The following RUSC2 variants were observed in gnomAD, a reference collection of about 807,000 sequenced individuals.
RUSC2 encodes AP-4 complex accessory subunit RUSC2.
RUSC2 carries 34 observed loss-of-function variants against 122.2 expected under a neutral mutation model. The observed-to-expected ratio is 0.28, with a 90% CI of 0.21 to 0.37. RUSC2 has a LOEUF of 0.37. RUSC2 is among the 10% of genes least tolerant of loss of function. The pLI, the probability that RUSC2 is intolerant of heterozygous loss-of-function variation, is 1.00. For synonymous variants in RUSC2, 784 were observed against 790.0 expected, an observed-to-expected ratio of 0.99 and a Z score of 0.13; for missense variants, 1,747 against 1,952.4, an observed-to-expected ratio of 0.89 and a Z score of 1.98.
intron 2 of RUSC2, among the ~76,000 whole-genome samples, chr9:35,550,096 CAGCTACTCTGG>C (rs964632435): frequency 5.8e-4 from 88 of 151,666 alleles, no homozygotes; most frequent in African/African-American, 2.1e-3. Context: ...CCTGTAATCC[CAGCTACTCTGG>C]AGGCTGAGGC....
intron 1 of RUSC2, among the ~76,000 whole-genome samples, chr9:35,523,342 CTTTGT>C (rs1283388868): frequency 6.6e-6 from 1 of 152,186 alleles, no homozygotes; most frequent in African/African-American, 2.4e-5. Context: ...ATGTTAATTG[CTTTGT>C]TTTAACAAAT....
At chr9:35,513,557 T>C (rs1156542524) in intron 1 of RUSC2, among the ~76,000 whole-genome samples, 2 of 151,564 alleles carry the variant, frequency 1.3e-5, no homozygotes, top group African/African-American at 4.9e-5. Context: ...AGTTGTACTT[T>C]GTAAATTGCT....
rs189234064 is a variant in RUSC2 at position 35,494,208 on chromosome 9, G to A, written c.-93+4036G>A. 8.6e-5 allele frequency among the ~76,000 whole-genome samples: 13 copies of A among 151,364 alleles called. No individual in the cohort carries two copies. The East Asian group carries it at 2.1e-3, about 25-fold the overall frequency. On this transcript the variant is annotated intron_variant, in intron 1 of 11. Transcript: ENST00000361226. ...AGGCTGGGCATGGTGGCTCACGCCTGTAATCCCAGCACTTTGGGAGGCCGA... is the reference window on the plus strand; with the variant it reads ...AGGCTGGGCATGGTGGCTCACGCCTATAATCCCAGCACTTTGGGAGGCCGA...
rs763232197 is a variant in RUSC2 at position 35,548,072 on chromosome 9, G to T, written c.1551G>T (p.Met517Ile). 1.4e-5 allele frequency: 22 copies of T among 1,613,282 alleles called. No homozygotes were observed. The Admixed American group carries it at 3.3e-4, about 24-fold the overall frequency. ...TCCGCCTGGGCTCGCTGGAACGTAT[G>T]TTGAGTTGCCCAGTGCGCTTGAGTG... ...PPVRLGSLER[M>I]LSCPVRLSEG... The change falls in exon 2 of 12, where the codon ATG (methionine) becomes ATT (isoleucine). Residue 517 changes from methionine to isoleucine, a missense_variant. Transcript: ENST00000361226. The surrounding 1 kb of genome is among the most constrained non-coding windows in gnomAD (Gnocchi z 4.5).
intron 1 of RUSC2, among the ~76,000 whole-genome samples, chr9:35,493,642 A>G (rs1475790145): frequency 6.6e-6 from 1 of 152,074 alleles, no homozygotes; most frequent in Non-Finnish European, 1.5e-5. Flanking sequence ...AGCTGGAATT[A>G]CAGGTGCACG....
intron 1 of RUSC2, among the ~76,000 whole-genome samples, chr9:35,523,257 A>G (rs1229818168): frequency 6.6e-6 from 1 of 152,212 alleles, no homozygotes; most frequent in African/African-American, 2.4e-5. Context: ...TATAAAGCTA[A>G]ATAACAGGAC....
intron 1 of RUSC2, among the ~76,000 whole-genome samples, chr9:35,513,940 T>A (rs868083557): frequency 3.1e-5 from 3 of 97,528 alleles, no homozygotes; most frequent in Non-Finnish European, 6.8e-5. Context: ...ATATATATAT[T>A]ACTTTATGTG....
intron 1 of RUSC2, among the ~76,000 whole-genome samples, chr9:35,503,247 T>C (rs1587836933): frequency 1.3e-5 from 2 of 151,876 alleles, no homozygotes; most frequent in Admixed American, 6.6e-5. Flanking sequence ...TTGTCTTTTA[T>C]CCCTCACCAC....
Position 35,561,426 on chromosome 9 carries a change from A to AGACT in RUSC2, c.*45_*48dup, listed in dbSNP as rs951366842. ...GGCCTCAGGGACCCTCATAACCCCC[A>AGACT]GACTCAGAGCCCGAGAGCCCTTCCC... On this transcript the variant is annotated 3_prime_UTR_variant, in exon 12 of 12. Coordinates refer to ENST00000361226, the MANE Select transcript of RUSC2 (RefSeq NM_014806.5). The AGACT allele has an allele frequency of 6.6e-7, 1 of 1,512,998 alleles. No individual in the cohort carries two copies. Among genetic ancestry groups the AGACT allele is most frequent in the Non-Finnish European group, 9.0e-7 (1 of 1,114,110 alleles). The allele number at this position is 1,512,998 out of a possible 1,614,324, so 93.7% of individuals were successfully genotyped here.
At chr9:35,545,547 A>C (rs1263985554) in intron 1 of RUSC2, among the ~76,000 whole-genome samples, 1 of 152,230 alleles carries the variant, frequency 6.6e-6, no homozygotes, top group Non-Finnish European at 1.5e-5. Flanking sequence ...AAGACTTTCT[A>C]GTGGATCCCA....
intron 1 of RUSC2, among the ~76,000 whole-genome samples, chr9:35,495,473 G>C (rs548620454): frequency 6.6e-6 from 1 of 151,242 alleles, no homozygotes; most frequent in South Asian, 2.1e-4. Context: ...AAACTCATCT[G>C]ACCAGATATG....
At chr9:35,530,045 G>A (rs1368593270) in intron 1 of RUSC2, among the ~76,000 whole-genome samples, 3 of 152,086 alleles carry the variant, frequency 2.0e-5, no homozygotes, top group South Asian at 2.1e-4. Context: ...TCTGCTTCCC[G>A]GCCTCAAGCC....
intron 1 of RUSC2, among the ~76,000 whole-genome samples, chr9:35,524,475 A>C (rs977832486): frequency 3.9e-5 from 6 of 152,240 alleles, no homozygotes; most frequent in Non-Finnish European, 8.8e-5. Context: ...AGAGGAGAAA[A>C]TGATAACTTT....
chr9:35,490,169 C>G lies in RUSC2; in HGVS notation c.-96C>G, dbSNP rs1178228766. ...GGAAGGACGAGGCTGAGGCGAGAAACGAGGTAGGAACGCCTCTCCGGAGGC... is the reference window on the plus strand; with the variant it reads ...GGAAGGACGAGGCTGAGGCGAGAAAGGAGGTAGGAACGCCTCTCCGGAGGC... On this transcript the variant is annotated 5_prime_UTR_variant, in exon 1 of 12. Transcript: ENST00000361226. 1.3e-5 allele frequency: 2 copies of G among 155,250 alleles called. No individual in the cohort carries two copies. The highest frequency in any genetic ancestry group is 4.8e-5 in the African/African-American group (2 of 41,470). The allele number at this position is 155,250 out of a possible 1,614,324, so 9.6% of individuals were successfully genotyped here.
intron 1 of RUSC2, among the ~76,000 whole-genome samples, chr9:35,506,085 T>C (rs1820911228): frequency 1.3e-5 from 2 of 152,156 alleles, no homozygotes; most frequent in Non-Finnish European, 2.9e-5. Flanking sequence ...TATATAGAAA[T>C]CTTAAGGAAT....
intron 1 of RUSC2, among the ~76,000 whole-genome samples, chr9:35,525,498 T>C (rs1223354967): frequency 2.6e-5 from 4 of 152,172 alleles, no homozygotes; most frequent in Admixed American, 2.6e-4. Flanking sequence ...ATTTTTTTTT[T>C]TCCTTTAAAA....
chr9:35,516,440 G>T (rs567178828), intron 1 of RUSC2, among the ~76,000 whole-genome samples: 1 of 151,094 alleles, frequency 6.6e-6, no homozygotes, highest in South Asian at 2.1e-4. Context: ...GAACTTGGGG[G>T]AAAGAAAAAA....
At position 35,560,361 on chromosome 9, in the gene RUSC2, G is replaced by A. The variant is rs955766300; in HGVS notation, c.3721G>A (p.Glu1241Lys). 6.2e-7 allele frequency: 1 copy of A among 1,608,920 alleles called. No individual in the cohort carries two copies. Among genetic ancestry groups the A allele is most frequent in the Non-Finnish European group, 8.5e-7 (1 of 1,179,328 alleles). The change falls in exon 10 of 12, where the codon GAA (glutamate) becomes AAA (lysine). Residue 1241 changes from glutamate to lysine, a missense_variant. Coordinates refer to ENST00000361226, the MANE Select transcript of RUSC2 (RefSeq NM_014806.5). The stretch of plus-strand genomic sequence containing the variant: ...GGGTGCCTCAGAAGGTGGAGAAGAG[G>A]AAGAGGAAGAAGAGGAGACAGAAGA... ...GVGASEGGEE[E>K]EEEEETEEVA...
chr9:35,535,663 T>C (rs1258130135), intron 1 of RUSC2, among the ~76,000 whole-genome samples: 1 of 151,814 alleles, frequency 6.6e-6, no homozygotes, highest in African/African-American at 2.4e-5. Flanking sequence ...CTCAGCTTGC[T>C]GAGTAGCTGG....
Sources: gnomAD v4.1 joint callset for allele counts (sites outside exome capture counted in the v4.1 genomes callset) on GRCh38, gnomAD v4.1.1 for gene constraint, Gnocchi (gnomAD v3.1) non-coding constraint, MANE v1.5 for transcripts, NCBI Gene and HGNC (gene_info 2026-07-23, HGNC 2026-07-21) for gene names.